The following SIRPD variants were observed in gnomAD, a reference collection of about 807,000 sequenced individuals.
SIRPD encodes the protein signal-regulatory protein delta.
A neutral mutation model predicts 18.0 loss-of-function variants in SIRPD; 21 were observed. That is an observed-to-expected ratio of 1.17 (90% CI 0.83 to 1.68). SIRPD has a LOEUF of 1.68. SIRPD is among the 40% of genes most tolerant of loss of function. The probability of loss-of-function intolerance (pLI) is 0.00; values close to 1 mark genes in which losing one functional copy is unlikely to be tolerated. For synonymous variants in SIRPD, 106 were observed against 92.9 expected (o/e 1.14, Z -0.81); for missense variants, 295 against 238.4 (o/e 1.24, Z -1.56).
At chr20:1,542,645 G>A (rs931593665) in intron 2 of SIRPD, among the ~76,000 whole-genome samples, 16 of 152,158 alleles carry the variant, frequency 1.1e-4, no homozygotes, top group African/African-American at 3.9e-4. Flanking sequence ...TCTCTTGCCT[G>A]ATTGCCCCAG....
chr20:1,542,844 G>C (rs2090978282), intron 2 of SIRPD, among the ~76,000 whole-genome samples: 1 of 152,070 alleles, frequency 6.6e-6, no homozygotes, highest in Non-Finnish European at 1.5e-5. Flanking sequence ...TAGCATGAAG[G>C]GTGTTGAATT....
At position 1,555,768 on chromosome 20, in the gene SIRPD, G is replaced by C. The variant is rs73569198; in HGVS notation, c.73+1813C>G. Among the ~76,000 whole-genome samples the C allele has an allele frequency of 9.1e-3, 1,391 of 152,170 alleles. 22 individuals carry two copies. Among genetic ancestry groups the C allele is most frequent in the African/African-American group, 0.033 (1,357 of 41,512 alleles). ...TTTCTATCGCTGAATAACAAATTAC[G>C]ACAAACTTAGAGGCTGAATACAACA... On this transcript the variant is annotated intron_variant, in intron 1 of 3. Coordinates refer to ENST00000381623, the MANE Select transcript of SIRPD (RefSeq NM_178460.3).
At chr20:1,537,021 A>C (rs567358657) in intron 3 of SIRPD, 134 bp downstream of exon 3, 1 of 949,910 alleles carries the variant, frequency 1.1e-6, no homozygotes, top group East Asian at 2.5e-5. Flanking sequence ...TGTCTTAAAG[A>C]GGAAGGGGTG....
chr20:1,544,235 G>A (rs1204269877), intron 2 of SIRPD, among the ~76,000 whole-genome samples: 1 of 152,156 alleles, frequency 6.6e-6, no homozygotes, highest in African/African-American at 2.4e-5. Context: ...CTATTATTGT[G>A]TGGGTGTCTA....
intron 2 of SIRPD, among the ~76,000 whole-genome samples, chr20:1,537,663 G>A (rs2256243): frequency 0.42 from 64,438 of 151,980 alleles, 15,463 homozygotes; most frequent in Non-Finnish European, 0.55. Flanking sequence ...TCAGGAGGAG[G>A]GCTCCCGGGA....
intron 1 of SIRPD, among the ~76,000 whole-genome samples, chr20:1,555,726 T>G (rs1277410292): frequency 6.6e-6 from 1 of 152,256 alleles, no homozygotes; most frequent in Non-Finnish European, 1.5e-5. Context: ...TTTTGCCATC[T>G]TACTCGGTAT....
At chr20:1,544,796 C>A (rs1425673430) in intron 2 of SIRPD, among the ~76,000 whole-genome samples, 1 of 152,102 alleles carries the variant, frequency 6.6e-6, no homozygotes. Context: ...TTCAGGAGCT[C>A]TTGTAAGGCA....
At chr20:1,554,487 G>C (rs1448257554) in intron 1 of SIRPD, among the ~76,000 whole-genome samples, 1 of 152,138 alleles carries the variant, frequency 6.6e-6, no homozygotes, top group South Asian at 2.1e-4. Context: ...GTACAAATAG[G>C]AGAATGACAC....
intron 3 of SIRPD, 81 bp from the exon 4 acceptor site, chr20:1,534,522 A>G: frequency 1.4e-6 from 2 of 1,396,888 alleles, no homozygotes; most frequent in Non-Finnish European, 9.8e-7. Context: ...TTAGAATATT[A>G]GCTTAGCAAA....
In SIRPD at chr20:1,534,252, T is replaced by C. The variant is rs2090935886; in HGVS notation, c.*173A>G. 3 of 829,898 alleles carry C rather than the reference T, an allele frequency of 3.6e-6. No individual in the cohort carries two copies. Among genetic ancestry groups the C allele is most frequent in the Non-Finnish European group, 5.7e-6 (3 of 530,640 alleles). 51.4% of individuals were successfully genotyped at this position (829,898 alleles called of 1,614,324 possible). A position where few individuals can be genotyped will look rare whatever the true frequency, so the allele number is the denominator to read the frequency against. ...TGAAACAGAAGAGAGAACCTGGAAT[T>C]GGACCCAGGTAAATAGACAGATTTA... On this transcript the variant is annotated 3_prime_UTR_variant, in exon 4 of 4. Transcript: ENST00000381623.
At chr20:1,546,044 G>A (rs1436140181) in intron 2 of SIRPD, among the ~76,000 whole-genome samples, 2 of 152,212 alleles carry the variant, frequency 1.3e-5, no homozygotes, top group Non-Finnish European at 2.9e-5. Context: ...TCCTGTATGA[G>A]GTGTCTGTCG....
At chr20:1,548,349 T>A (rs115208368) in intron 2 of SIRPD, among the ~76,000 whole-genome samples, 5,013 of 151,530 alleles carry the variant, frequency 0.033, 268 homozygotes, top group African/African-American at 0.12. Flanking sequence ...CCTTTTTTTT[T>A]ATCATCTTGA....
chr20:1,545,507 C>A (rs535660558), intron 2 of SIRPD, among the ~76,000 whole-genome samples: 1 of 152,176 alleles, frequency 6.6e-6, no homozygotes, highest in Non-Finnish European at 1.5e-5. Flanking sequence ...TTCTAGTTAG[C>A]AGTTCCTGCA....
intron 2 of SIRPD, among the ~76,000 whole-genome samples, chr20:1,548,450 G>A (rs1251154164): frequency 1.3e-5 from 2 of 151,984 alleles, no homozygotes; most frequent in Admixed American, 1.3e-4. Context: ...TTGTATTCAT[G>A]GGATAAATCC....
chr20:1,545,200 G>T (rs186453420), intron 2 of SIRPD, among the ~76,000 whole-genome samples: 1 of 151,650 alleles, frequency 6.6e-6, no homozygotes, highest in East Asian at 1.9e-4. Flanking sequence ...ATAATATCCT[G>T]AAGTGTGTTT....
intron 3 of SIRPD, 62 bp from the exon 4 acceptor site, chr20:1,534,503 A>G: frequency 6.7e-7 from 1 of 1,501,784 alleles, no homozygotes; most frequent in Non-Finnish European, 9.1e-7. Context: ...CTAAGAGCAG[A>G]CACAATTTTT....
At chr20:1,552,885 C>T (rs562665437) in intron 1 of SIRPD, among the ~76,000 whole-genome samples, 142 of 152,280 alleles carry the variant, frequency 9.3e-4, no homozygotes, top group African/African-American at 3.4e-3. Flanking sequence ...GTGGATTTTC[C>T]ATTGCCATTT....
At chr20:1,554,608 A>G (rs1911909550) in intron 1 of SIRPD, among the ~76,000 whole-genome samples, 1 of 152,194 alleles carries the variant, frequency 6.6e-6, no homozygotes, top group South Asian at 2.1e-4. Flanking sequence ...AATGCAAAAT[A>G]GAATTTGGGT....
chr20:1,543,618 C>T (rs912420785), intron 2 of SIRPD, among the ~76,000 whole-genome samples: 1 of 151,982 alleles, frequency 6.6e-6, no homozygotes, highest in African/African-American at 2.4e-5. Context: ...GTCTCTATTT[C>T]CTTCAGTTCT....
Sources: allele counts gnomAD v4.1 joint callset (sites outside exome capture counted in the v4.1 genomes callset), GRCh38; gene constraint gnomAD v4.1.1; transcripts MANE v1.5; gene names NCBI Gene and HGNC (gene_info 2026-07-23, HGNC 2026-07-21).